Variants in VOPP1 observed in about 807,000 individuals in gnomAD.
VOPP1 encodes WW domain binding protein VOPP1.
In VOPP1, 8 loss-of-function variants were observed where a neutral mutation model predicts 23.5. The ratio of observed to expected loss-of-function variants is 0.34; its 90% CI spans 0.20 to 0.61. VOPP1 has a LOEUF of 0.61. VOPP1 is among the 20% of genes least tolerant of loss of function. The pLI, the probability that VOPP1 is intolerant of heterozygous loss-of-function variation, is 0.78. For synonymous variants in VOPP1, 83 were observed against 97.3 expected (o/e 0.85, Z 0.86); for missense variants, 174 against 238.1 (o/e 0.73, Z 1.77).
chr7:55,475,050 G>A (rs185036408), intron 4 of VOPP1, among the ~76,000 whole-genome samples: 18 of 152,346 alleles, frequency 1.2e-4, no homozygotes, highest in Non-Finnish European at 4.4e-5. Context: ...GCTGCAGTAG[G>A]GAGAAACAGT....
intron 4 of VOPP1, among the ~76,000 whole-genome samples, chr7:55,448,963 AG>A (rs1372350253): frequency 6.6e-6 from 1 of 152,240 alleles, no homozygotes; most frequent in Non-Finnish European, 1.5e-5. Context: ...AATCCTTAGC[AG>A]GGAAGAGGGG....
intron 4 of VOPP1, among the ~76,000 whole-genome samples, chr7:55,473,298 G>A (rs1357441971): frequency 6.6e-6 from 1 of 152,230 alleles, no homozygotes; most frequent in African/African-American, 2.4e-5. Flanking sequence ...TAGGGTGGAG[G>A]AAACTGGGCC....
At chr7:55,563,673 T>G (rs985891864) in intron 1 of VOPP1, among the ~76,000 whole-genome samples, 3 of 152,232 alleles carry the variant, frequency 2.0e-5, no homozygotes, top group African/African-American at 7.2e-5. Flanking sequence ...TATACAATAT[T>G]TTTAATAATT....
intron 4 of VOPP1, among the ~76,000 whole-genome samples, chr7:55,450,070 A>T (rs777258531): frequency 6.6e-6 from 1 of 152,212 alleles, no homozygotes; most frequent in Non-Finnish European, 1.5e-5. Flanking sequence ...ATGGTAATAA[A>T]GAAAAAGACG....
At chr7:55,539,197 T>A (rs924051743) in intron 1 of VOPP1, among the ~76,000 whole-genome samples, 5 of 151,844 alleles carry the variant, frequency 3.3e-5, no homozygotes, top group Admixed American at 6.6e-5. Context: ...ATACAAAAAT[T>A]AGCCGGGCAT....
downstream of VOPP1, among the ~76,000 whole-genome samples, chr7:55,468,248 C>T (rs1418516039): frequency 7.3e-5 from 10 of 137,864 alleles, no homozygotes; most frequent in South Asian, 1.5e-3. Context: ...TCCAGCCTGG[C>T]GACAGAGCAA....
chr7:55,540,795 G>A (rs761102758), intron 1 of VOPP1, among the ~76,000 whole-genome samples: 4 of 152,214 alleles, frequency 2.6e-5, no homozygotes, highest in Non-Finnish European at 4.4e-5. Context: ...AGACAACACT[G>A]AGACAGAGTC....
At chr7:55,496,285 C>T (rs1031139221) in intron 3 of VOPP1, among the ~76,000 whole-genome samples, 1 of 135,898 alleles carries the variant, frequency 7.4e-6, no homozygotes, top group African/African-American at 2.8e-5. Context: ...CCTCCTTCCA[C>T]TCCAAGGTCC....
In VOPP1 at chr7:55,521,022, G is replaced by C. The variant is rs536585099; in HGVS notation, c.113+50C>G. 2.6e-5 allele frequency: 40 copies of C among 1,536,844 alleles called. No individual in the cohort carries two copies. The Middle Eastern group carries it at 6.7e-4, about 26-fold the overall frequency. On this transcript the variant is annotated intron_variant, in intron 2 of 4. Coordinates refer to ENST00000285279, the MANE Select transcript of VOPP1 (RefSeq NM_030796.5). Reference sequence around the variant, plus strand: ...CAGAACTTTAGCAAGACAATTCCCAGAGAAAGGTATGGCCACAGAATGAAA... The same window carrying C: ...CAGAACTTTAGCAAGACAATTCCCACAGAAAGGTATGGCCACAGAATGAAA...
chr7:55,464,431 T>A (rs935453638), intron 4 of VOPP1, among the ~76,000 whole-genome samples: 1 of 152,108 alleles, frequency 6.6e-6, no homozygotes, highest in African/African-American at 2.4e-5. Context: ...AGTTTCCAGG[T>A]CCCTTGAAGG....
intron 2 of VOPP1, among the ~76,000 whole-genome samples, chr7:55,512,832 G>C (rs989533548): frequency 1.4e-4 from 22 of 152,200 alleles, no homozygotes; most frequent in Non-Finnish European, 3.1e-4. Context: ...TCTGTCCACA[G>C]AGCCATAAAG....
At chr7:55,463,089 T>C (rs548000797) in intron 4 of VOPP1, among the ~76,000 whole-genome samples, 1 of 152,354 alleles carries the variant, frequency 6.6e-6, no homozygotes, top group South Asian at 2.1e-4. Flanking sequence ...GAAAAGGTAC[T>C]TGATATTATC....
At position 55,497,780 on chromosome 7, in the gene VOPP1, T is replaced by C. The variant is rs560158176; in HGVS notation, c.114-90A>G. 2.7e-6 allele frequency: 3 copies of C among 1,117,176 alleles called. No homozygotes were observed. The African/African-American group carries it at 4.6e-5, about 17-fold the overall frequency. 69.2% of individuals were successfully genotyped at this position (1,117,176 alleles called of 1,614,324 possible). On this transcript the variant is annotated intron_variant, in intron 2 of 4. Transcript: ENST00000285279. The stretch of plus-strand genomic sequence containing the variant: ...CCCAGGCTGGGCTTCAATGTAATCA[T>C]TCTTGAAGGAAGAAATCAGTAAGAG...
chr7:55,451,557 A>C (rs1791244433), intron 4 of VOPP1, among the ~76,000 whole-genome samples: 1 of 152,148 alleles, frequency 6.6e-6, no homozygotes, highest in Admixed American at 6.5e-5. Flanking sequence ...TTTGGGAGGC[A>C]GAGGCGGGCG....
chr7:55,564,476 T>C (rs1327134177), intron 1 of VOPP1, among the ~76,000 whole-genome samples: 3 of 152,166 alleles, frequency 2.0e-5, no homozygotes, highest in Non-Finnish European at 2.9e-5. Flanking sequence ...GAGTAGCTGC[T>C]CAACCATCCT....
intron 4 of VOPP1, among the ~76,000 whole-genome samples, chr7:55,485,094 C>T (rs1302509066): frequency 6.6e-6 from 1 of 152,164 alleles, no homozygotes; most frequent in East Asian, 1.9e-4. Flanking sequence ...GATTCTGTGA[C>T]CCTGTAATTT....
intron 4 of VOPP1, among the ~76,000 whole-genome samples, chr7:55,486,528 G>C (rs1462238021): frequency 6.6e-6 from 1 of 152,168 alleles, no homozygotes; most frequent in Non-Finnish European, 1.5e-5. Flanking sequence ...GATGCACAGA[G>C]CTGGAGGACT....
chr7:55,495,519 G>A (rs936741881), intron 3 of VOPP1, among the ~76,000 whole-genome samples: 1 of 152,164 alleles, frequency 6.6e-6, no homozygotes, highest in Non-Finnish European at 1.5e-5. Flanking sequence ...GCAAGGTGCT[G>A]TCCCTCTGCC....
intron 4 of VOPP1, among the ~76,000 whole-genome samples, chr7:55,484,635 T>C (rs1331731237): frequency 6.6e-6 from 1 of 152,124 alleles, no homozygotes; most frequent in East Asian, 1.9e-4. Flanking sequence ...TGAAGTAATA[T>C]AATGAACATG....
Sources: allele counts gnomAD v4.1 joint callset (sites outside exome capture counted in the v4.1 genomes callset), GRCh38; gene constraint gnomAD v4.1.1; transcripts MANE v1.5; gene names NCBI Gene and HGNC (gene_info 2026-07-23, HGNC 2026-07-21).